FYN: variants seen among roughly 807,000 people sequenced by gnomAD.
FYN encodes FYN proto-oncogene, Src family tyrosine kinase.
Under a neutral mutation model 70.2 loss-of-function variants are expected in FYN, and 10 were observed. That is an observed-to-expected ratio of 0.14 (90% CI 0.09 to 0.24). FYN has a LOEUF of 0.24. Among genes scored for constraint, FYN ranks in the 10% least tolerant of loss-of-function variants. The pLI is 1.00. For synonymous variants in FYN, 236 were observed against 248.6 expected, an observed-to-expected ratio of 0.95 and a Z score of 0.48; for missense variants, 319 against 673.1, an observed-to-expected ratio of 0.47 and a Z score of 5.82.
At chr6:111,762,772 T>C (rs917555625) in intron 3 of FYN, among the ~76,000 whole-genome samples, 1 of 152,002 alleles carries the variant, frequency 6.6e-6, no homozygotes, top group South Asian at 2.1e-4. Context: ...ACATAAAATA[T>C]ACTAATGATA....
intron 2 of FYN, among the ~76,000 whole-genome samples, chr6:111,839,596 C>T (rs1040648835): frequency 2.0e-5 from 3 of 152,080 alleles, no homozygotes; most frequent in African/African-American, 7.2e-5. Flanking sequence ...GTGTTCATGT[C>T]CAAGAGCCAT....
intron 2 of FYN, among the ~76,000 whole-genome samples, chr6:111,813,267 T>G (rs773431258): frequency 6.6e-6 from 1 of 152,164 alleles, no homozygotes; most frequent in Non-Finnish European, 1.5e-5. Context: ...TCCAACCCAG[T>G]TGAACTTTAC....
In FYN at chr6:111,719,994, C is replaced by T. The variant is rs759104731; in HGVS notation, c.58G>A (p.Gly20Ser). 4.3e-6 allele frequency: 7 copies of T among 1,613,358 alleles called. No homozygotes were observed. Among genetic ancestry groups the T allele is most frequent in the Non-Finnish European group, 5.1e-6 (6 of 1,179,356 alleles). The change falls in exon 4 of 14, where the codon GGC (glycine) becomes AGC (serine). Residue 20 changes from glycine to serine, a missense_variant. Physicochemically the swap from Gly to Ser is moderately conservative, Grantham distance 56 (BLOSUM62 0). Transcript: ENST00000354650. ...EATKLTEERD[G>S]SLNQSSGYRY... The stretch of plus-strand genomic sequence containing the variant: ...TACCCAGAGCTCTGGTTCAGGCTGC[C>T]GTCCCTCTCCTCCGTCAGTTTTGTT...
At position 111,850,910 on chromosome 6, in the gene FYN, T is replaced by A. The variant is rs80289253; in HGVS notation, c.-122-4281A>T. Among the ~76,000 whole-genome samples the A allele has an allele frequency of 1.3e-3, 203 of 152,288 alleles. 2 individuals carry two copies. Among genetic ancestry groups the A allele is most frequent in the Non-Finnish European group, 1.9e-3 (130 of 68,020 alleles). ...GTGGAGCATTCCTCATTGCCACGTT[T>A]CCCCAGGAAAAATGTATTTTCCTCC... On this transcript the variant is annotated intron_variant, in intron 1 of 13. Transcript: ENST00000354650.
chr6:111,846,641 G>GA lies in FYN; in HGVS notation c.-122-13dup, dbSNP rs146180698. ...CTTCTTCAAAAAAACTGTAGAAGAA[G>GA]AAAAAAAAAAGTGAGACATCAAAAG... On this transcript the variant is annotated splice_polypyrimidine_tract_variant and intron_variant, in intron 1 of 13. Transcript: ENST00000354650. 237 of 366,682 alleles carry GA rather than the reference G, an allele frequency of 6.5e-4. No homozygotes were observed. Among genetic ancestry groups the GA allele is most frequent in the South Asian group, 2.2e-3 (16 of 7,292 alleles). 22.7% of individuals were successfully genotyped at this position (366,682 alleles called of 1,614,324 possible).
intron 2 of FYN, among the ~76,000 whole-genome samples, chr6:111,792,970 C>T (rs534945698): frequency 6.6e-6 from 1 of 152,272 alleles, no homozygotes; most frequent in Admixed American, 6.5e-5. Context: ...GGAGAGTTCA[C>T]TTTGTGAACA....
chr6:111,783,977 C>T (rs999949332), intron 2 of FYN, among the ~76,000 whole-genome samples: 1 of 152,202 alleles, frequency 6.6e-6, no homozygotes, highest in African/African-American at 2.4e-5. Flanking sequence ...CCAAGAGATA[C>T]CCATTCCTAC....
At chr6:111,701,801 T>A (rs1210251771) in intron 8 of FYN, among the ~76,000 whole-genome samples, 1 of 152,226 alleles carries the variant, frequency 6.6e-6, no homozygotes, top group Non-Finnish European at 1.5e-5. Flanking sequence ...TTCTCCCAAA[T>A]GTTTCATTAG....
At chr6:111,678,915 G>A (rs534331540) in intron 12 of FYN, among the ~76,000 whole-genome samples, 73 of 152,244 alleles carry the variant, frequency 4.8e-4, no homozygotes, top group Admixed American at 1.6e-3. Context: ...ATTACATCCT[G>A]ACCATTTCAT....
chr6:111,703,331 C>T (rs1030083105), intron 7 of FYN, among the ~76,000 whole-genome samples: 1 of 152,196 alleles, frequency 6.6e-6, no homozygotes, highest in African/African-American at 2.4e-5. Flanking sequence ...AATTCCAACA[C>T]TCCTTTCCCC....
chr6:111,767,314 AATT>A (rs1197205164), intron 3 of FYN, among the ~76,000 whole-genome samples: 2 of 152,232 alleles, frequency 1.3e-5, no homozygotes, highest in Non-Finnish European at 2.9e-5. Context: ...CCAGTAGAAT[AATT>A]CACATTTTCT....
At position 111,700,165 on chromosome 6, in the gene FYN, A is replaced by C. The variant is rs1375286424; in HGVS notation, c.801T>G (p.Pro267=). ...SVKTKDVWEI[P]RESLQLIKRL... is the part of the protein sequence containing the mutation. ...TCTTGATCAACTGCAGGGATTCTCG[A>C]GGGATTTCCCAGACATCTTTGGTTT... The change falls in exon 9 of 14, where the codon CCT becomes CCG. Residue 267 remains proline, a synonymous_variant. Coordinates refer to ENST00000354650, the MANE Select transcript of FYN (RefSeq NM_002037.5). The C allele has an allele frequency of 6.2e-7, 1 of 1,614,070 alleles. No homozygotes were observed.
rs143674549 is a variant in FYN at position 111,767,831 on chromosome 6, C to T, written c.-12+12735G>A. Among the ~76,000 whole-genome samples the T allele has an allele frequency of 1.6e-4, 24 of 152,312 alleles. 1 individual carries two copies. In the East Asian group the frequency reaches 2.9e-3, roughly 18 times the overall value. On this transcript the variant is annotated intron_variant, in intron 3 of 13. Transcript: ENST00000354650. ...ACCTACTGTGTGCCAGCACTGAGAC[C>T]TGTGCTGGGACTAGATAGATCAGGA...
At chr6:111,708,506 T>C (rs9487710) in intron 5 of FYN, among the ~76,000 whole-genome samples, 18,528 of 152,154 alleles carry the variant, frequency 0.12, 2,237 homozygotes, top group African/African-American at 0.3. Context: ...GTTAACATCT[T>C]AACATTGGGA....
chr6:111,770,025 G>A (rs1803386355), intron 3 of FYN, among the ~76,000 whole-genome samples: 1 of 152,072 alleles, frequency 6.6e-6, no homozygotes, highest in Admixed American at 6.6e-5. Flanking sequence ...AGCAGATCAA[G>A]TTTCTCTTGA....
At chr6:111,824,360 T>G (rs942625769) in intron 2 of FYN, among the ~76,000 whole-genome samples, 6 of 152,144 alleles carry the variant, frequency 3.9e-5, no homozygotes, top group Non-Finnish European at 7.4e-5. Context: ...CCTCCCAAGG[T>G]AACTAATACA....
chr6:111,698,725 T>C (rs1799689911), intron 9 of FYN, among the ~76,000 whole-genome samples: 1 of 152,206 alleles, frequency 6.6e-6, no homozygotes, highest in Admixed American at 6.5e-5. Context: ...CTCTACTGAA[T>C]ATCTACTATC....
At chr6:111,717,009 C>G (rs1800679163) in intron 4 of FYN, among the ~76,000 whole-genome samples, 1 of 152,118 alleles carries the variant, frequency 6.6e-6, no homozygotes, top group Non-Finnish European at 1.5e-5. Context: ...TGGTCTTGAA[C>G]TCCTGACATC....
intron 3 of FYN, among the ~76,000 whole-genome samples, chr6:111,766,667 C>A (rs995736719): frequency 2.0e-5 from 3 of 152,148 alleles, no homozygotes; most frequent in Non-Finnish European, 4.4e-5. Context: ...TCCTTCCTCA[C>A]GTGATGGCAG....
Sources: allele counts gnomAD v4.1 joint callset (sites outside exome capture counted in the v4.1 genomes callset), GRCh38; gene constraint gnomAD v4.1.1; transcripts MANE v1.5; gene names NCBI Gene and HGNC (gene_info 2026-07-23, HGNC 2026-07-21).